TRNAU1AP: variants seen among roughly 807,000 people sequenced by gnomAD.
The protein encoded by TRNAU1AP is tRNA selenocysteine 1-associated protein 1.
Under a neutral mutation model 43.3 loss-of-function variants are expected in TRNAU1AP, and 33 were observed. That is an observed-to-expected ratio of 0.76 (90% CI 0.58 to 1.02). The LOEUF is 1.02. Among genes scored for constraint, TRNAU1AP ranks in the 50% least tolerant of loss-of-function variants. The probability of loss-of-function intolerance (pLI) is 0.00; values close to 1 mark genes in which losing one functional copy is unlikely to be tolerated. For synonymous variants in TRNAU1AP, 143 were observed against 129.1 expected, an observed-to-expected ratio of 1.11 and a Z score of -0.73; for missense variants, 290 against 362.7, an observed-to-expected ratio of 0.80 and a Z score of 1.63.
chr1:28,560,091 T>C (rs113616240), intron 2 of TRNAU1AP, among the ~76,000 whole-genome samples: 16 of 152,038 alleles, frequency 1.1e-4, no homozygotes, highest in African/African-American at 3.4e-4. Context: ...GAGATCGAGA[T>C]GATATCCGTC....
At chr1:28,573,316 A>T (rs1665702494) in intron 8 of TRNAU1AP, among the ~76,000 whole-genome samples, 1 of 143,340 alleles carries the variant, frequency 7.0e-6, no homozygotes, top group Non-Finnish European at 1.5e-5. Context: ...GGGGTGAGCC[A>T]CCGTGCCCAG....
chr1:28,571,467 T>A, intron 7 of TRNAU1AP, 129 bp downstream of exon 7: 1 of 907,556 alleles, frequency 1.1e-6, no homozygotes, highest in Non-Finnish European at 1.7e-6. Context: ...GTTGAAGCAG[T>A]CCAGTTCCTC....
chr1:28,564,884 C>T (rs780765264), intron 5 of TRNAU1AP, 50 bp downstream of exon 5: 1 of 1,611,384 alleles, frequency 6.2e-7, no homozygotes, highest in Non-Finnish European at 8.5e-7. Context: ...TTCAGCCTTT[C>T]TCTCCTGAGT....
chr1:28,577,458 T>G (rs1665817086), intron 8 of TRNAU1AP, 42 bp from the exon 9 acceptor site: 1 of 1,604,956 alleles, frequency 6.2e-7, no homozygotes, highest in South Asian at 1.1e-5. Context: ...CCCTTGCAGC[T>G]GTCCCTAGAC....
chr1:28,560,668 A>G lies in TRNAU1AP; in HGVS notation c.161A>G (p.Asp54Gly). 6.2e-7 allele frequency: 1 copy of G among 1,614,108 alleles called. No individual in the cohort carries two copies. The highest frequency in any genetic ancestry group is 1.3e-5 in the African/African-American group (1 of 75,004). ...PAGYCFVEFA[D>G]LATAEKCLHK... ...GGCTACTGCTTTGTAGAATTTGCAGATTTGGCCACAGCTGAGAAGTGTTTG... is the reference window on the plus strand; with the variant it reads ...GGCTACTGCTTTGTAGAATTTGCAGGTTTGGCCACAGCTGAGAAGTGTTTG... The change falls in exon 3 of 9, where the codon GAT becomes GGT. Residue 54 changes from aspartate to glycine, a missense_variant. By Grantham distance (94) the Asp-to-Gly change is moderately conservative (BLOSUM62 -1). This residue lies in a region of TRNAU1AP where 174 missense variants were observed against 262.1 expected (regional missense o/e 0.66). Coordinates refer to ENST00000373830, the MANE Select transcript of TRNAU1AP (RefSeq NM_017846.5).
intron 5 of TRNAU1AP, 91 bp from the exon 6 acceptor site, chr1:28,567,203 G>A: frequency 1.4e-6 from 2 of 1,407,674 alleles, no homozygotes; most frequent in Non-Finnish European, 2.0e-6. Context: ...CTACATTCCT[G>A]CCCACCTTCT....
rs538916236 is a variant in TRNAU1AP, at chr1:28,565,199, T to C, written c.410+365T>C. 8 of 224,430 alleles carry C rather than the reference T, an allele frequency of 3.6e-5. No homozygotes were observed. In the East Asian group the frequency reaches 6.8e-4, roughly 19 times the overall value. 13.9% of individuals were successfully genotyped at this position (224,430 alleles called of 1,614,324 possible). A position where few individuals can be genotyped will look rare whatever the true frequency, so the allele number is the denominator to read the frequency against. On this transcript the variant is annotated intron_variant, in intron 5 of 8. Transcript: ENST00000373830. ...TTCAGTGTAGTTAGAAGTGTTCCAC[T>C]TCAGGCTGGGCGTGGTGGCTCATGC...
At chr1:28,558,666 G>T (rs1287831874) in intron 2 of TRNAU1AP, among the ~76,000 whole-genome samples, 1 of 149,514 alleles carries the variant, frequency 6.7e-6, no homozygotes, top group Non-Finnish European at 1.5e-5. Flanking sequence ...CTGGGTTCAC[G>T]CCATTCTCCT....
chr1:28,557,994 C>T (rs915880964), intron 2 of TRNAU1AP, among the ~76,000 whole-genome samples: 1 of 150,692 alleles, frequency 6.6e-6, no homozygotes, highest in Non-Finnish European at 1.5e-5. Flanking sequence ...CTCCCAAATT[C>T]AAGCAGTTCT....
rs1019426228 is a variant in TRNAU1AP at position 28,561,928 on chromosome 1, C to T, written c.278+530C>T. ...TCTACTAAAAATACAACAAATTAGC[C>T]GGGCGTGGTGGCAGGCGCCTGTAGT... On this transcript the variant is annotated intron_variant, in intron 4 of 8. Transcript: ENST00000373830. 3.3e-5 allele frequency among the ~76,000 whole-genome samples: 5 copies of T among 152,226 alleles called. No individual in the cohort carries two copies. In the South Asian group the frequency reaches 6.2e-4, roughly 19 times the overall value.
chr1:28,564,422 T>TG (rs1399477186), intron 4 of TRNAU1AP, among the ~76,000 whole-genome samples: 2 of 152,198 alleles, frequency 1.3e-5, no homozygotes, highest in African/African-American at 4.8e-5. Context: ...ATCTTTTGAG[T>TG]GCCTTAGATG....
intron 5 of TRNAU1AP, among the ~76,000 whole-genome samples, chr1:28,566,548 C>T (rs1050171623): frequency 4.0e-5 from 6 of 151,778 alleles, no homozygotes; most frequent in Non-Finnish European, 8.8e-5. Context: ...GTCAGAAGAT[C>T]GAGACCATCC....
chr1:28,563,008 G>A (rs1665449700), intron 4 of TRNAU1AP, among the ~76,000 whole-genome samples: 1 of 149,464 alleles, frequency 6.7e-6, no homozygotes, highest in Admixed American at 6.8e-5. Context: ...CAATTCTCCT[G>A]CCTCAGCCTC....
intron 8 of TRNAU1AP, among the ~76,000 whole-genome samples, chr1:28,576,495 T>G (rs562179175): frequency 3.3e-5 from 5 of 150,920 alleles, no homozygotes; most frequent in Non-Finnish European, 7.4e-5. Context: ...ATTTTTCTAT[T>G]TTTAGTGGAG....
chr1:28,557,507 C>T (rs978001224), intron 2 of TRNAU1AP, among the ~76,000 whole-genome samples: 9 of 133,950 alleles, frequency 6.7e-5, no homozygotes, highest in African/African-American at 1.4e-4. Flanking sequence ...GGCAGAGTTT[C>T]GCTCTTGTCA....
intron 6 of TRNAU1AP, among the ~76,000 whole-genome samples, chr1:28,568,715 G>T (rs1665593300): frequency 6.6e-6 from 1 of 152,016 alleles, no homozygotes; most frequent in Non-Finnish European, 1.5e-5. Flanking sequence ...ATCGGCCAAG[G>T]ATACTGTTAA....
At chr1:28,553,204 A>T in intron 1 of TRNAU1AP, 67 bp downstream of exon 1, 1 of 1,422,220 alleles carries the variant, frequency 7.0e-7, no homozygotes, top group Non-Finnish European at 9.3e-7. Flanking sequence ...GAGAGGAAGG[A>T]TCTGAGTGGG....
chr1:28,560,259 G>A (rs1665376009), intron 2 of TRNAU1AP, among the ~76,000 whole-genome samples: 1 of 150,452 alleles, frequency 6.6e-6, no homozygotes, highest in Non-Finnish European at 1.5e-5. Flanking sequence ...CTCCCTTCAA[G>A]GCCAAGACCC....
At chr1:28,577,416 C>A in intron 8 of TRNAU1AP, 84 bp from the exon 9 acceptor site, 1 of 1,493,716 alleles carries the variant, frequency 6.7e-7, no homozygotes, top group Non-Finnish European at 9.1e-7. Context: ...TACCATAGAA[C>A]AGAGTTCTGG....
Sources: allele counts gnomAD v4.1 joint callset (sites outside exome capture counted in the v4.1 genomes callset), GRCh38; gene constraint gnomAD v4.1.1; regional missense constraint gnomAD v4.1.1; transcripts MANE v1.5; gene names NCBI Gene and HGNC (gene_info 2026-07-23, HGNC 2026-07-21).